STX6: variants seen among roughly 807,000 people sequenced by gnomAD.
STX6 encodes the protein syntaxin-6.
In STX6, 23 loss-of-function variants were observed where a neutral mutation model predicts 38.0. The ratio of observed to expected loss-of-function variants is 0.60; its 90% CI spans 0.43 to 0.86. STX6 has a LOEUF of 0.86. Among genes scored for constraint, STX6 ranks in the 40% least tolerant of loss-of-function variants. The pLI, the probability that STX6 is intolerant of heterozygous loss-of-function variation, is 0.00. For synonymous variants in STX6, 123 were observed against 107.5 expected, an observed-to-expected ratio of 1.14 and a Z score of -0.89; for missense variants, 274 against 312.9, an observed-to-expected ratio of 0.88 and a Z score of 0.94.
intron 7 of STX6, among the ~76,000 whole-genome samples, chr1:180,977,082 A>T (rs1026718954): frequency 3.3e-5 from 5 of 152,172 alleles, no homozygotes; most frequent in African/African-American, 4.8e-5. Flanking sequence ...GAGGGAAAGG[A>T]GATGAAAGCT....
At chr1:180,993,279 C>G (rs941709551) in intron 4 of STX6, 84 bp downstream of exon 4, 1 of 840,762 alleles carries the variant, frequency 1.2e-6, no homozygotes, top group Non-Finnish European at 2.0e-6. Context: ...ATTACATGAT[C>G]CATGGATGGT....
chr1:180,988,118 A>G, intron 6 of STX6, 121 bp downstream of exon 6: 2 of 652,642 alleles, frequency 3.1e-6, no homozygotes. Context: ...ATAAAAATGC[A>G]GCTATGAATA....
At chr1:181,001,406 A>T (rs188655479) in intron 3 of STX6, among the ~76,000 whole-genome samples, 1 of 152,348 alleles carries the variant, frequency 6.6e-6, no homozygotes, top group Non-Finnish European at 1.5e-5. Flanking sequence ...CATTTTAATG[A>T]CACAAGATTG....
intron 2 of STX6, among the ~76,000 whole-genome samples, chr1:181,004,375 A>T (rs1320882463): frequency 6.6e-6 from 1 of 152,218 alleles, no homozygotes; most frequent in Non-Finnish European, 1.5e-5. Flanking sequence ...GTCCCCAGAG[A>T]AACCAACCAT....
intron 1 of STX6, among the ~76,000 whole-genome samples, chr1:181,015,352 C>A (rs775921554): frequency 6.6e-6 from 1 of 152,200 alleles, no homozygotes; most frequent in Non-Finnish European, 1.5e-5. Context: ...ATAGAAAAAT[C>A]TGCTTCCCTT....
rs1655169861 is a variant in STX6 at position 180,973,277 on chromosome 1, C to G, written c.*3293G>C. 1 of 152,150 alleles carries G rather than the reference C, an allele frequency of 6.6e-6. No individual in the cohort carries two copies. The highest frequency in any genetic ancestry group is 1.5e-5 in the Non-Finnish European group (1 of 68,032). The allele number at this position is 152,150 out of a possible 1,614,324, so 9.4% of individuals were successfully genotyped here. ...GTACAAAGTCCACAGAATTGAAAAGCCATTCATATTTATCATTCAATTTTT... is the reference window on the plus strand; with the variant it reads ...GTACAAAGTCCACAGAATTGAAAAGGCATTCATATTTATCATTCAATTTTT... On this transcript the variant is annotated 3_prime_UTR_variant, in exon 8 of 8. Coordinates refer to ENST00000258301, the MANE Select transcript of STX6 (RefSeq NM_005819.6).
Position 181,022,626 on chromosome 1 carries a change from G to C in STX6, c.35+13C>G, listed in dbSNP as rs371510972. 2 of 1,608,022 alleles carry C rather than the reference G, an allele frequency of 1.2e-6. No homozygotes were observed. Among genetic ancestry groups the C allele is most frequent in the South Asian group, 1.1e-5 (1 of 90,102 alleles). ...CACCTCTTCCTCCGGTGGAGCGCTC[G>C]GCCGACACTCACCCTTTCACCACAA... On this transcript the variant is annotated intron_variant, in intron 1 of 7. Coordinates refer to ENST00000258301, the MANE Select transcript of STX6 (RefSeq NM_005819.6).
intron 1 of STX6, 88 bp downstream of exon 1, chr1:181,022,546 GCCTCC>G: frequency 7.6e-7 from 1 of 1,314,734 alleles, no homozygotes; most frequent in Non-Finnish European, 1.1e-6. Context: ...GCTCCAACTT[GCCTCC>G]CCTCCCCCCA....
At chr1:181,000,875 C>CAAAA (rs34045263) in intron 3 of STX6, among the ~76,000 whole-genome samples, 5 of 72,586 alleles carry the variant, frequency 6.9e-5, no homozygotes, top group Admixed American at 1.5e-4. Context: ...CCTACTACTA[C>CAAAA]AAAAAAAAAA....
At chr1:180,992,079 C>T (rs1024649278) in intron 4 of STX6, among the ~76,000 whole-genome samples, 23 of 152,044 alleles carry the variant, frequency 1.5e-4, no homozygotes, top group African/African-American at 5.5e-4. Context: ...ACTTCAGTTA[C>T]TTCCACTTCC....
Position 180,995,524 on chromosome 1 carries a change from G to A in STX6, c.301-2099C>T, listed in dbSNP as rs183334801. Among the ~76,000 whole-genome samples, 129 of 152,184 alleles carry A rather than the reference G, an allele frequency of 8.5e-4. No homozygotes were observed. In the South Asian group the frequency reaches 0.011, roughly 13 times the overall value. On this transcript the variant is annotated intron_variant, in intron 3 of 7. Transcript: ENST00000258301. Reference sequence around the variant, plus strand: ...TTTATTTAATATTATTAAAAACTACGCAGAGCAACATTCACTAGGGGGATA... The same window carrying A: ...TTTATTTAATATTATTAAAAACTACACAGAGCAACATTCACTAGGGGGATA...
chr1:181,006,927 T>C (rs541095436), intron 1 of STX6, among the ~76,000 whole-genome samples: 30 of 152,196 alleles, frequency 2.0e-4, no homozygotes, highest in Non-Finnish European at 2.1e-4. Context: ...GTTTAAGGCT[T>C]AGGCAAGTCA....
chr1:181,018,073 A>T (rs1656615367), intron 1 of STX6, among the ~76,000 whole-genome samples: 1 of 152,158 alleles, frequency 6.6e-6, no homozygotes, highest in African/African-American at 2.4e-5. Flanking sequence ...GAAGGATATA[A>T]AGAAATACAG....
intron 3 of STX6, among the ~76,000 whole-genome samples, chr1:180,993,847 C>T (rs1456331338): frequency 4.4e-5 from 6 of 135,822 alleles, no homozygotes; most frequent in African/African-American, 1.3e-4. Flanking sequence ...CCCTGGGGTA[C>T]AAACACAAAA....
chr1:180,989,858 C>T (rs750986403), intron 5 of STX6, 126 bp downstream of exon 5: 61 of 1,150,210 alleles, frequency 5.3e-5, no homozygotes, highest in Non-Finnish European at 7.2e-5. Flanking sequence ...TAAACACAAT[C>T]AACACAGGAC....
At position 180,972,849 on chromosome 1, in the gene STX6, A is replaced by T; in HGVS notation, c.*3721T>A. 1 of 208,832 alleles carries T rather than the reference A, an allele frequency of 4.8e-6. No homozygotes were observed. Among genetic ancestry groups the T allele is most frequent in the Non-Finnish European group, 9.9e-6 (1 of 100,884 alleles). 12.9% of individuals were successfully genotyped at this position (208,832 alleles called of 1,614,324 possible). A position where few individuals can be genotyped will look rare whatever the true frequency, so the allele number is the denominator to read the frequency against. On this transcript the variant is annotated 3_prime_UTR_variant, in exon 8 of 8. Transcript: ENST00000258301. The stretch of plus-strand genomic sequence containing the variant: ...ACTGAAAGGTACCTGCTTTCAGCAA[A>T]TTCTGGTTTGGTTTTATTTTTTAAT...
At chr1:181,015,803 G>A (rs1162555168) in intron 1 of STX6, among the ~76,000 whole-genome samples, 3 of 152,060 alleles carry the variant, frequency 2.0e-5, no homozygotes, top group Admixed American at 2.0e-4. Context: ...GGGACTACAG[G>A]TGCCCACCAC....
chr1:181,012,669 A>ATTT (rs1558099149), intron 1 of STX6, among the ~76,000 whole-genome samples: 1 of 108,278 alleles, frequency 9.2e-6, no homozygotes, highest in Non-Finnish European at 2.0e-5. Flanking sequence ...AGATTCTTCC[A>ATTT]TTCTTTTTTT....
intron 2 of STX6, among the ~76,000 whole-genome samples, chr1:181,004,308 T>C (rs1339269313): frequency 1.3e-5 from 2 of 152,202 alleles, no homozygotes; most frequent in African/African-American, 2.4e-5. Context: ...ATCTTTTGTA[T>C]GTTAATGGGA....
Sources: gnomAD v4.1 joint callset for allele counts (sites outside exome capture counted in the v4.1 genomes callset) on GRCh38, gnomAD v4.1.1 for gene constraint, MANE v1.5 for transcripts, NCBI Gene and HGNC (gene_info 2026-07-23, HGNC 2026-07-21) for gene names.